The following ADAMTSL1 variants were observed in gnomAD, a reference collection of about 807,000 sequenced individuals.
ADAMTSL1 encodes the protein ADAMTS-like protein 1.
In ADAMTSL1, 126 loss-of-function variants were observed where a neutral mutation model predicts 201.8. That is an observed-to-expected ratio of 0.62 (90% confidence interval 0.54 to 0.72). ADAMTSL1 has a LOEUF of 0.72. ADAMTSL1 is among the 30% of genes least tolerant of loss of function. ADAMTSL1 has a pLI of 0.00. For synonymous variants in ADAMTSL1, 1,121 were observed against 903.4 expected, an observed-to-expected ratio of 1.24 and a Z score of -4.32; for missense variants, 2,679 against 2,277.8, an observed-to-expected ratio of 1.18 and a Z score of -3.59.
intron 1 of ADAMTSL1, among the ~76,000 whole-genome samples, chr9:18,096,444 A>C (rs1824256237): frequency 6.6e-6 from 1 of 152,188 alleles, no homozygotes; most frequent in Non-Finnish European, 1.5e-5. Context: ...TGTGCTGTTC[A>C]ATATAGTAGC....
intron 2 of ADAMTSL1, among the ~76,000 whole-genome samples, chr9:18,387,562 T>A (rs1837855530): frequency 6.6e-6 from 1 of 152,202 alleles, no homozygotes; most frequent in African/African-American, 2.4e-5. Context: ...ACTTAGTATA[T>A]AACACCACTT....
chr9:18,529,784 C>G (rs555770515), intron 2 of ADAMTSL1, among the ~76,000 whole-genome samples: 1 of 151,978 alleles, frequency 6.6e-6, no homozygotes, highest in Non-Finnish European at 1.5e-5. Context: ...ATTAAAGAAG[C>G]TCTCAAAAAA....
chr9:18,568,695 C>G (rs1822096052), intron 3 of ADAMTSL1, among the ~76,000 whole-genome samples: 2 of 148,930 alleles, frequency 1.3e-5, no homozygotes, highest in African/African-American at 4.9e-5. Flanking sequence ...AAGTACATTT[C>G]TAAGAGAGGA....
chr9:18,872,520 T>C (rs574409733), intron 23 of ADAMTSL1, among the ~76,000 whole-genome samples: 88 of 152,216 alleles, frequency 5.8e-4, no homozygotes, highest in African/African-American at 2.0e-3. Context: ...CCAGAGTCCA[T>C]TGTATCATTC....
At chr9:18,907,134 C>A (rs546739534) in intron 28 of ADAMTSL1, 14 of 555,884 alleles carry the variant, frequency 2.5e-5, no homozygotes, top group Non-Finnish European at 4.4e-5. Context: ...TGATCTCCAT[C>A]CTGGCCCTGA....
chr9:18,628,529 G>C (rs1302667991), intron 5 of ADAMTSL1, among the ~76,000 whole-genome samples: 1 of 151,970 alleles, frequency 6.6e-6, no homozygotes, highest in African/African-American at 2.4e-5. Context: ...CTTTGTTCTT[G>C]TTTTCAAATT....
At chr9:18,589,211 A>G in intron 4 of ADAMTSL1, among the ~76,000 whole-genome samples, 1 of 152,034 alleles carries the variant, frequency 6.6e-6, no homozygotes, top group Admixed American at 6.6e-5. Flanking sequence ...ATCCATCAAC[A>G]TGGAATAGCT....
At chr9:18,150,526 T>C (rs940744770) in intron 1 of ADAMTSL1, among the ~76,000 whole-genome samples, 1 of 152,040 alleles carries the variant, frequency 6.6e-6, no homozygotes, top group Non-Finnish European at 1.5e-5. Flanking sequence ...TCATGAAGTA[T>C]AGTGAAGACT....
At chr9:18,592,447 T>A (rs957705094) in intron 4 of ADAMTSL1, among the ~76,000 whole-genome samples, 1 of 152,188 alleles carries the variant, frequency 6.6e-6, no homozygotes, top group Non-Finnish European at 1.5e-5. Flanking sequence ...TGTCCACAGA[T>A]TGGTTGCCAT....
chr9:18,722,918 A>G (rs1044551487), intron 15 of ADAMTSL1: 1 of 717,976 alleles, frequency 1.4e-6, no homozygotes, highest in Non-Finnish European at 2.6e-6. Flanking sequence ...CTGGTTCCAC[A>G]TTTCTGTCCT....
chr9:17,950,378 T>C (rs1827685297), intron 1 of ADAMTSL1, among the ~76,000 whole-genome samples: 1 of 152,076 alleles, frequency 6.6e-6, no homozygotes, highest in South Asian at 2.1e-4. Flanking sequence ...TTAAAGATAG[T>C]AGGGAAGTCC....
At chr9:17,971,997 A>G (rs1370272826) in intron 1 of ADAMTSL1, among the ~76,000 whole-genome samples, 9 of 151,764 alleles carry the variant, frequency 5.9e-5, no homozygotes, top group Non-Finnish European at 1.3e-4. Flanking sequence ...ACAAAATTAT[A>G]TATATTTAAG....
chr9:18,761,675 G>A (rs1400540477), intron 16 of ADAMTSL1, among the ~76,000 whole-genome samples: 1 of 152,066 alleles, frequency 6.6e-6, no homozygotes, highest in Non-Finnish European at 1.5e-5. Flanking sequence ...CATAAGAACT[G>A]TTGGCCTCAC....
intron 1 of ADAMTSL1, among the ~76,000 whole-genome samples, chr9:18,090,829 A>G (rs1046478499): frequency 1.3e-5 from 2 of 152,012 alleles, no homozygotes; most frequent in African/African-American, 4.8e-5. Flanking sequence ...TTCCAACTTT[A>G]TCTCTGCCTT....
At chr9:18,905,756 G>GTA (rs1360461867) in intron 26 of ADAMTSL1, 26 bp from the exon 27 acceptor site, 1 of 1,589,394 alleles carries the variant, frequency 6.3e-7, no homozygotes, top group Admixed American at 1.7e-5. Context: ...CTAATGTGCG[G>GTA]TATGTTACCT....
intron 1 of ADAMTSL1, among the ~76,000 whole-genome samples, chr9:18,160,192 G>T (rs927446321): frequency 2.6e-5 from 4 of 151,980 alleles, no homozygotes; most frequent in African/African-American, 9.7e-5. Context: ...CAGAAAGAGG[G>T]GTCACTGTTT....
intron 2 of ADAMTSL1, among the ~76,000 whole-genome samples, chr9:18,425,728 T>A (rs1241871651): frequency 1.3e-5 from 2 of 151,674 alleles, no homozygotes; most frequent in African/African-American, 4.8e-5. Flanking sequence ...AGGTGGTGCA[T>A]ACCTGTAGTC....
intron 3 of ADAMTSL1, among the ~76,000 whole-genome samples, chr9:18,559,907 G>A (rs1276854308): frequency 6.6e-6 from 1 of 152,140 alleles, no homozygotes; most frequent in African/African-American, 2.4e-5. Context: ...GGAGATTTGG[G>A]TCTGAGACAG....
At chr9:17,952,991 C>G (rs917176715) in intron 1 of ADAMTSL1, among the ~76,000 whole-genome samples, 1 of 150,062 alleles carries the variant, frequency 6.7e-6, no homozygotes, top group African/African-American at 2.5e-5. Flanking sequence ...TGGACCTTGA[C>G]TCTTTCATAT....
Sources: gnomAD v4.1 joint callset for allele counts (sites outside exome capture counted in the v4.1 genomes callset) on GRCh38, gnomAD v4.1.1 for gene constraint, MANE v1.5 for transcripts, NCBI Gene and HGNC (gene_info 2026-07-23, HGNC 2026-07-21) for gene names.